MBD5: variants seen among roughly 807,000 people sequenced by gnomAD.
MBD5 encodes methyl-CpG-binding domain protein 5.
A neutral mutation model predicts 117.3 loss-of-function variants in MBD5; 13 were observed. The ratio of observed to expected loss-of-function variants is 0.11; its 90% CI spans 0.07 to 0.18. MBD5 has a LOEUF of 0.18. Among genes scored for constraint, MBD5 ranks in the 10% least tolerant of loss-of-function variants. The probability of loss-of-function intolerance (pLI) is 1.00; values close to 1 mark genes in which losing one functional copy is unlikely to be tolerated. For synonymous variants in MBD5, 727 were observed against 766.4 expected (o/e 0.95, Z 0.85); for missense variants, 1,879 against 2,093.8 (o/e 0.90, Z 2.00).
In MBD5 at chr2:148,443,653, A is replaced by C. The variant is rs570830094; in HGVS notation, c.-556-14550A>C. On this transcript the variant is annotated intron_variant, in intron 4 of 13. Coordinates refer to ENST00000642680, the MANE Select transcript of MBD5 (RefSeq NM_001378120.1). Reference sequence around the variant, plus strand: ...AGCCAGGTGCACAAAGACAAACTTCACATGTTCTCACTTATTTGTGGGAGC... The same window carrying C: ...AGCCAGGTGCACAAAGACAAACTTCCCATGTTCTCACTTATTTGTGGGAGC... 2.6e-5 allele frequency among the ~76,000 whole-genome samples: 4 copies of C among 151,488 alleles called. 1 individual carries two copies. In the South Asian group the frequency reaches 8.3e-4, roughly 31 times the overall value.
chr2:148,459,787 A>G (rs1245901540), intron 5 of MBD5, among the ~76,000 whole-genome samples: 3 of 152,202 alleles, frequency 2.0e-5, no homozygotes, highest in Non-Finnish European at 4.4e-5. Context: ...TTTATGGCAT[A>G]ATAACTCAGA....
At chr2:148,111,971 C>A (rs1696513245) in intron 1 of MBD5, among the ~76,000 whole-genome samples, 1 of 152,082 alleles carries the variant, frequency 6.6e-6, no homozygotes, top group Non-Finnish European at 1.5e-5. Flanking sequence ...TGGTCTATCT[C>A]TCTCAAAATA....
At chr2:148,143,551 A>G (rs1697369047) in intron 1 of MBD5, among the ~76,000 whole-genome samples, 1 of 152,138 alleles carries the variant, frequency 6.6e-6, no homozygotes, top group South Asian at 2.1e-4. Context: ...ACATATGTAT[A>G]TGCCATGTTG....
At chr2:148,046,526 TG>T (rs1311301361) in intron 1 of MBD5, among the ~76,000 whole-genome samples, 4 of 152,132 alleles carry the variant, frequency 2.6e-5, no homozygotes, top group African/African-American at 9.7e-5. Flanking sequence ...TGGATGGTGC[TG>T]TCCCTGTCTA....
At chr2:148,272,306 C>A (rs1386190583) in intron 3 of MBD5, among the ~76,000 whole-genome samples, 2 of 152,162 alleles carry the variant, frequency 1.3e-5, no homozygotes, top group African/African-American at 2.4e-5. Context: ...ATAATACCCA[C>A]TAGTGGGATC....
intron 4 of MBD5, among the ~76,000 whole-genome samples, chr2:148,445,260 G>A (rs6710609): frequency 0.59 from 89,088 of 150,580 alleles, 27,275 homozygotes; most frequent in African/African-American, 0.68. Flanking sequence ...TACATTAGGT[G>A]TATCTCCTAA....
chr2:148,379,473 A>G (rs1193127076), intron 4 of MBD5, among the ~76,000 whole-genome samples: 1 of 152,172 alleles, frequency 6.6e-6, no homozygotes, highest in Non-Finnish European at 1.5e-5. Context: ...ATCAAAAGAC[A>G]TAAACTAAAG....
intron 1 of MBD5, among the ~76,000 whole-genome samples, chr2:148,106,294 A>G (rs1312112527): frequency 1.3e-5 from 2 of 151,920 alleles, no homozygotes; most frequent in African/African-American, 4.8e-5. Context: ...TGATGTTATT[A>G]TTTACATACA....
At chr2:148,092,377 G>C (rs1695965932) in intron 1 of MBD5, among the ~76,000 whole-genome samples, 1 of 152,114 alleles carries the variant, frequency 6.6e-6, no homozygotes, top group East Asian at 1.9e-4. Context: ...GTTTATCTCA[G>C]CACAATTTGC....
intron 3 of MBD5, among the ~76,000 whole-genome samples, chr2:148,305,327 AT>A (rs990636420): frequency 6.6e-6 from 1 of 152,204 alleles, no homozygotes; most frequent in Non-Finnish European, 1.5e-5. Context: ...TTTTCTTTAA[AT>A]AATAAAAGTC....
At chr2:148,505,445 GA>G (rs1435252299) in intron 12 of MBD5, among the ~76,000 whole-genome samples, 2 of 152,190 alleles carry the variant, frequency 1.3e-5, no homozygotes, top group African/African-American at 4.8e-5. Context: ...GGTCAGTGAG[GA>G]GGAGGAGAAT....
chr2:148,263,343 G>A (rs1405166402), intron 3 of MBD5, among the ~76,000 whole-genome samples: 1 of 152,162 alleles, frequency 6.6e-6, no homozygotes, highest in African/African-American at 2.4e-5. Flanking sequence ...CAGTTGTGGT[G>A]TGTGCATTGG....
Position 148,483,757 on chromosome 2 carries a change from A to G in MBD5, c.3166A>G (p.Asn1056Asp). ...AETLLTSPLG[N>D]PLPSFAGSDT... ...GACCCTTTTAACCAGCCCCCTGGGGAACCCTTTACCAAGCTTTGCAGGCAG... is the reference window on the plus strand; with the variant it reads ...GACCCTTTTAACCAGCCCCCTGGGGGACCCTTTACCAAGCTTTGCAGGCAG... Residue 1056 changes from asparagine (N) to aspartate (D), a missense_variant, in exon 9 of 14, where the codon AAC becomes GAC. By Grantham distance (23) the Asn-to-Asp change is conservative. Around this residue, in one of 4 missense-constraint regions of MBD5, gnomAD observed 1,666 missense variants for 1,792.2 expected, o/e 0.93. Coordinates refer to ENST00000642680, the MANE Select transcript of MBD5 (RefSeq NM_001378120.1). The G allele has an allele frequency of 6.4e-7, 1 of 1,550,544 alleles. No homozygotes were observed. The highest frequency in any genetic ancestry group is 8.7e-7 in the Non-Finnish European group (1 of 1,146,960).
intron 1 of MBD5, among the ~76,000 whole-genome samples, chr2:148,069,324 T>C (rs1695291131): frequency 6.6e-6 from 1 of 152,168 alleles, no homozygotes; most frequent in Non-Finnish European, 1.5e-5. Flanking sequence ...CTTGAATTTA[T>C]TTTTATGTCA....
chr2:148,417,984 C>T (rs1160857267), intron 4 of MBD5, among the ~76,000 whole-genome samples: 1 of 151,950 alleles, frequency 6.6e-6, no homozygotes, highest in Admixed American at 6.6e-5. Context: ...AGACTACAGG[C>T]ACCCACCACC....
At chr2:148,510,207 C>A in intron 13 of MBD5, 72 bp downstream of exon 13, 1 of 1,146,512 alleles carries the variant, frequency 8.7e-7, no homozygotes, top group Non-Finnish European at 1.3e-6. Flanking sequence ...TTGGTAAAGT[C>A]TCTTGAGTAT....
At chr2:148,445,412 T>C (rs961890117) in intron 4 of MBD5, among the ~76,000 whole-genome samples, 3 of 151,132 alleles carry the variant, frequency 2.0e-5, no homozygotes, top group African/African-American at 7.4e-5. Context: ...TTGCGATAGT[T>C]TGCTGAGAAT....
At chr2:148,378,916 A>G (rs1320097245) in intron 4 of MBD5, among the ~76,000 whole-genome samples, 1 of 152,074 alleles carries the variant, frequency 6.6e-6, no homozygotes, top group Non-Finnish European at 1.5e-5. Context: ...ATATTTAGAT[A>G]CAGGTGAAGA....
chr2:148,431,907 G>A (rs773084874), intron 4 of MBD5, among the ~76,000 whole-genome samples: 1 of 152,124 alleles, frequency 6.6e-6, no homozygotes, highest in African/African-American at 2.4e-5. Flanking sequence ...CCCCAAAATG[G>A]AATTGCTGGG....
Sources: gnomAD v4.1 joint callset for allele counts (sites outside exome capture counted in the v4.1 genomes callset) on GRCh38, gnomAD v4.1.1 for gene constraint, gnomAD v4.1.1 regional missense constraint, MANE v1.5 for transcripts, NCBI Gene and HGNC (gene_info 2026-07-23, HGNC 2026-07-21) for gene names.